The following TENM1 variants were observed in gnomAD, a reference collection of about 807,000 sequenced individuals.
TENM1 encodes the protein teneurin transmembrane protein 1, also known as teneurin-1.
TENM1 carries 35 observed loss-of-function variants against 174.8 expected under a neutral mutation model. The ratio of observed to expected loss-of-function variants is 0.20; its 90% CI spans 0.15 to 0.27. TENM1 has a LOEUF of 0.27. TENM1 is among the 10% of genes least tolerant of loss of function. TENM1 has a pLI of 1.00. For missense variants in TENM1, 1,633 were observed against 2,130.1 expected, an observed-to-expected ratio of 0.77 and a Z score of 4.59; for synonymous variants, 781 against 798.7, an observed-to-expected ratio of 0.98 and a Z score of 0.37.
chrX:124,754,699 G>A (rs373089974), intron 3 of TENM1, among the ~76,000 whole-genome samples: 4 of 108,289 alleles, frequency 3.7e-5, no homozygotes, highest in East Asian at 2.9e-4. Flanking sequence ...CTTTGTTCTC[G>A]TTGGTTTCAA....
chrX:125,050,914 G>C, the TENM1 span, among the ~76,000 whole-genome samples: 4 of 112,130 alleles, frequency 3.6e-5, no homozygotes, highest in African/African-American at 6.5e-5. Context: ...AATTGTCCCT[G>C]TTTGCAGATG....
In TENM1 at chrX:124,410,340, C is replaced by T. The variant is rs748581549; in HGVS notation, c.4983-3851G>A. ...ATATGTAGAAAGCTGAAACTGGATC[C>T]CTTCCTTACATCTTACACAAAAACT... is the stretch of plus-strand genomic sequence containing the variant. On this transcript the variant is annotated intron_variant, in intron 25 of 31. Coordinates refer to ENST00000422452, the Ensembl canonical transcript of TENM1. Among the ~76,000 whole-genome samples the T allele has an allele frequency of 6.2e-5, 7 of 112,017 alleles. No homozygotes were observed. In the East Asian group the frequency reaches 1.9e-3, roughly 31 times the overall value.
the TENM1 span, among the ~76,000 whole-genome samples, chrX:125,141,781 C>A: frequency 9.0e-6 from 1 of 111,512 alleles, no homozygotes; most frequent in African/African-American, 3.3e-5. Flanking sequence ...TTTTTCAGGA[C>A]AATCTTGTGT....
At chrX:124,562,425 C>T (rs186511282) in intron 13 of TENM1, among the ~76,000 whole-genome samples, 90 of 112,216 alleles carry the variant, frequency 8.0e-4, no homozygotes, top group African/African-American at 2.8e-3. Flanking sequence ...ATCTTTACTT[C>T]CATGGTATCT....
At chrX:125,149,669 A>G in the TENM1 span, among the ~76,000 whole-genome samples, 1 of 112,102 alleles carries the variant, frequency 8.9e-6, no homozygotes, top group Non-Finnish European at 1.9e-5. Flanking sequence ...GCTACATAAA[A>G]CATTTCCTAT....
In TENM1 at chrX:124,551,025, G is replaced by A. The variant is rs2048550918; in HGVS notation, c.2435-3935C>T. ...TCAAACTGCCTTGGCCTCCCAAACT[G>A]TTGGGATTACAGGCGTAAGCCACCG... On this transcript the variant is annotated intron_variant, in intron 14 of 31. Coordinates refer to ENST00000422452, the Ensembl canonical transcript of TENM1. 7.1e-5 allele frequency among the ~76,000 whole-genome samples: 8 copies of A among 112,854 alleles called. No homozygotes were observed. In the Admixed American group the frequency reaches 7.5e-4, roughly 11 times the overall value.
chrX:124,897,038 ATAT>A (rs753390877), intron 1 of TENM1, among the ~76,000 whole-genome samples: 53 of 111,315 alleles, frequency 4.8e-4, no homozygotes, highest in African/African-American at 1.5e-3. Context: ...CAGAGGATAG[ATAT>A]TATTTTTTCA....
At chrX:124,851,194 C>T (rs745579469) in intron 3 of TENM1, among the ~76,000 whole-genome samples, 83 of 111,060 alleles carry the variant, frequency 7.5e-4, no homozygotes, top group African/African-American at 2.6e-3. Context: ...TAATTTGGCC[C>T]CTGAGATCAG....
the TENM1 span, among the ~76,000 whole-genome samples, chrX:125,043,358 T>A: frequency 1.7e-5 from 1 of 59,774 alleles, no homozygotes; most frequent in African/African-American, 6.6e-5. Context: ...GCGAAGGACA[T>A]GAACAGACAC....
rs1251249060 is a variant in TENM1, at chrX:124,628,294, C to T, written c.2077+13497G>A. 5.4e-5 allele frequency among the ~76,000 whole-genome samples: 6 copies of T among 111,232 alleles called. No homozygotes were observed. The South Asian group carries it at 1.5e-3, about 28-fold the overall frequency. ...TTAATTTGGAATATATATGTAGTTACATTTTCCAGGCTAAACTTGATACTG... is the reference window on the plus strand; with the variant it reads ...TTAATTTGGAATATATATGTAGTTATATTTTCCAGGCTAAACTTGATACTG... On this transcript the variant is annotated intron_variant, in intron 11 of 31. Coordinates refer to ENST00000422452, the Ensembl canonical transcript of TENM1.
intron 23 of TENM1, among the ~76,000 whole-genome samples, chrX:124,448,296 T>C (rs1243305862): frequency 9.8e-6 from 1 of 102,029 alleles, no homozygotes; most frequent in East Asian, 2.8e-4. Context: ...CCCAAAAGCA[T>C]TGGAAAACAG....
At chrX:124,485,033 A>C (rs1374549192) in intron 21 of TENM1, among the ~76,000 whole-genome samples, 1 of 111,188 alleles carries the variant, frequency 9.0e-6, no homozygotes, top group Non-Finnish European at 1.9e-5. Context: ...ACTTAGGCAA[A>C]ATGGAGGGGA....
At chrX:124,950,511 C>A (rs1249970155) in intron 1 of TENM1, among the ~76,000 whole-genome samples, 1 of 111,691 alleles carries the variant, frequency 9.0e-6, no homozygotes, top group Non-Finnish European at 1.9e-5. Flanking sequence ...CCTTCAAAAT[C>A]AGTGATCAAC....
At chrX:124,512,678 A>C (rs1401635236) in intron 18 of TENM1, among the ~76,000 whole-genome samples, 1 of 111,838 alleles carries the variant, frequency 8.9e-6, no homozygotes, top group Non-Finnish European at 1.9e-5. Flanking sequence ...CCTTACAAAA[A>C]AATGGTGGTA....
chrX:124,492,102 C>G (rs889056428), intron 20 of TENM1, among the ~76,000 whole-genome samples: 4 of 111,760 alleles, frequency 3.6e-5, no homozygotes, highest in African/African-American at 9.7e-5. Context: ...GGCAGAGGAT[C>G]AAAATCTATA....
intron 10 of TENM1, among the ~76,000 whole-genome samples, chrX:124,644,522 C>T (rs370739457): frequency 2.7e-5 from 3 of 109,827 alleles, no homozygotes; most frequent in East Asian, 2.8e-4. Flanking sequence ...TTTTCCAGTG[C>T]GTCTCTTTAA....
At chrX:124,829,629 G>C (rs953965882) in intron 3 of TENM1, among the ~76,000 whole-genome samples, 1 of 111,898 alleles carries the variant, frequency 8.9e-6, no homozygotes, top group Non-Finnish European at 1.9e-5. Flanking sequence ...CCTCATCTCA[G>C]GGGCATAGTA....
chrX:124,539,353 T>A (rs905721355), intron 15 of TENM1, among the ~76,000 whole-genome samples: 1 of 111,555 alleles, frequency 9.0e-6, no homozygotes, highest in African/African-American at 3.3e-5. Context: ...TCCTTCTCTG[T>A]CCCTAACTTT....
chrX:125,012,023 T>G, the TENM1 span, among the ~76,000 whole-genome samples: 3 of 111,741 alleles, frequency 2.7e-5, no homozygotes, highest in African/African-American at 9.8e-5. Context: ...AATGAGATCA[T>G]GTCCTTTGCA....
Sources: allele counts gnomAD v4.1 joint callset (sites outside exome capture counted in the v4.1 genomes callset), GRCh38; gene constraint gnomAD v4.1.1; transcripts MANE v1.5; gene names NCBI Gene and HGNC (gene_info 2026-07-23, HGNC 2026-07-21).